The following CCDC88A variants were observed in gnomAD, a reference collection of about 807,000 sequenced individuals.
CCDC88A encodes the protein girdin.
CCDC88A carries 54 observed loss-of-function variants against 234.3 expected under a neutral mutation model. The observed-to-expected ratio is 0.23, with a 90% CI of 0.19 to 0.29. CCDC88A has a LOEUF of 0.29. Ranked by LOEUF, CCDC88A falls within the 10% of genes least tolerant of loss-of-function variation. The pLI is 1.00. For synonymous variants in CCDC88A, 753 were observed against 737.8 expected, an observed-to-expected ratio of 1.02 and a Z score of -0.33; for missense variants, 1,832 against 2,123.4, an observed-to-expected ratio of 0.86 and a Z score of 2.70.
At chr2:55,347,476 G>A (rs1417028238) in intron 9 of CCDC88A, among the ~76,000 whole-genome samples, 1 of 152,058 alleles carries the variant, frequency 6.6e-6, no homozygotes, top group Admixed American at 6.6e-5. Flanking sequence ...GAATATAGTA[G>A]TAGTAATCTA....
intron 3 of CCDC88A, 37 bp from the exon 4 acceptor site, chr2:55,374,920 T>C (rs2104830404): frequency 2.5e-6 from 3 of 1,198,676 alleles, no homozygotes; most frequent in Non-Finnish European, 3.7e-6. Context: ...ATATGGGTAA[T>C]GCTAACTAGA....
intron 3 of CCDC88A, among the ~76,000 whole-genome samples, chr2:55,383,848 C>G (rs1397477709): frequency 6.6e-6 from 1 of 152,024 alleles, no homozygotes; most frequent in Non-Finnish European, 1.5e-5. Context: ...CACACCCTCT[C>G]TAATATAATA....
intron 12 of CCDC88A, chr2:55,340,104 C>G (rs1574179219): frequency 2.0e-5 from 3 of 152,666 alleles, no homozygotes; most frequent in Non-Finnish European, 4.4e-5. Flanking sequence ...CAGGCATGAG[C>G]CGCTGCACCC....
chr2:55,345,826 G>A (rs1015146840), intron 10 of CCDC88A: 1 of 164,676 alleles, frequency 6.1e-6, no homozygotes, highest in Non-Finnish European at 1.3e-5. Flanking sequence ...TCTCAGTTAA[G>A]AAGCAATCTG....
intron 30 of CCDC88A, 45 bp from the exon 31 acceptor site, chr2:55,296,101 T>C (rs1339047557): frequency 6.9e-7 from 1 of 1,441,146 alleles, no homozygotes; most frequent in East Asian, 2.3e-5. Flanking sequence ...TATAGTGCCA[T>C]GTTTTTACTT....
At position 55,289,426 on chromosome 2, in the gene CCDC88A, T is replaced by G. The variant is rs534460989; in HGVS notation, c.*1774A>C. 6.6e-6 allele frequency: 1 copy of G among 152,572 alleles called. No individual in the cohort carries two copies. 9.5% of individuals were successfully genotyped at this position (152,572 alleles called of 1,614,324 possible). ...ACTGCTCTGATACCTATTACCAATG[T>G]GCTACTTGAATCCAGGGAGTTATGA... On this transcript the variant is annotated 3_prime_UTR_variant, in exon 33 of 33. Coordinates refer to ENST00000436346, the MANE Select transcript of CCDC88A (RefSeq NM_001365480.1).
intron 2 of CCDC88A, among the ~76,000 whole-genome samples, chr2:55,396,922 G>A (rs983532438): frequency 2.7e-5 from 4 of 147,248 alleles, no homozygotes; most frequent in South Asian, 2.1e-4. Context: ...TCTAAAACCC[G>A]AGTGTACATC....
chr2:55,413,781 A>G (rs1435642480), intron 2 of CCDC88A, among the ~76,000 whole-genome samples: 1 of 151,976 alleles, frequency 6.6e-6, no homozygotes, highest in East Asian at 1.9e-4. Context: ...GTGAAACTCC[A>G]TCTCTACAAA....
At chr2:55,412,720 G>C (rs1680697271) in intron 2 of CCDC88A, among the ~76,000 whole-genome samples, 1 of 152,118 alleles carries the variant, frequency 6.6e-6, no homozygotes, top group Non-Finnish European at 1.5e-5. Flanking sequence ...TAATTCTAAT[G>C]ATAATAATAT....
intron 2 of CCDC88A, chr2:55,404,127 G>A (rs1679171229): frequency 6.6e-6 from 1 of 152,100 alleles, no homozygotes; most frequent in African/African-American, 2.4e-5. Context: ...AATTTAAATA[G>A]TTCACTTGAT....
intron 25 of CCDC88A, among the ~76,000 whole-genome samples, chr2:55,306,451 A>G (rs1681576603): frequency 6.6e-6 from 1 of 152,262 alleles, no homozygotes; most frequent in South Asian, 2.1e-4. Context: ...ACACACGTAC[A>G]TATACATATA....
chr2:55,351,595 C>T (rs190300174), intron 8 of CCDC88A, among the ~76,000 whole-genome samples: 1 of 152,232 alleles, frequency 6.6e-6, no homozygotes, highest in African/African-American at 2.4e-5. Flanking sequence ...ATCCTCTTGC[C>T]TCAGCCTCCC....
At chr2:55,411,918 A>G (rs989613789) in intron 2 of CCDC88A, among the ~76,000 whole-genome samples, 39 of 152,286 alleles carry the variant, frequency 2.6e-4, no homozygotes, top group African/African-American at 9.4e-4. Flanking sequence ...GCCTCAAAGG[A>G]GATATAACAT....
chr2:55,308,648 G>T, intron 25 of CCDC88A, 161 bp downstream of exon 25: 1 of 597,304 alleles, frequency 1.7e-6, no homozygotes, highest in East Asian at 2.8e-5. Context: ...TCAGAAAATT[G>T]TGTGGCTGTA....
chr2:55,414,754 A>G (rs1442473400), intron 2 of CCDC88A, among the ~76,000 whole-genome samples: 1 of 152,172 alleles, frequency 6.6e-6, no homozygotes, highest in Non-Finnish European at 1.5e-5. Flanking sequence ...TAAACATTTT[A>G]GATGAAAAAA....
intron 5 of CCDC88A, among the ~76,000 whole-genome samples, chr2:55,365,182 C>T (rs3791650): frequency 0.36 from 54,676 of 151,852 alleles, 11,113 homozygotes; most frequent in East Asian, 0.54. Flanking sequence ...TAATTCCTAG[C>T]TGTGATTAGG....
intron 3 of CCDC88A, among the ~76,000 whole-genome samples, chr2:55,383,224 G>C (rs1217230772): frequency 6.6e-6 from 1 of 152,040 alleles, no homozygotes; most frequent in African/African-American, 2.4e-5. Flanking sequence ...AGATGACCTT[G>C]ATGCTTACCA....
intron 15 of CCDC88A, 126 bp downstream of exon 15, chr2:55,333,968 T>C: frequency 2.4e-6 from 1 of 411,178 alleles, no homozygotes. Context: ...CTAGTTCTAA[T>C]TCCAAAATTC....
chr2:55,292,887 G>C (rs1679589415), intron 31 of CCDC88A: 2 of 152,170 alleles, frequency 1.3e-5, no homozygotes, highest in East Asian at 3.8e-4. Context: ...AGAACTAGTG[G>C]TGTTTTGGGG....
Sources: allele counts gnomAD v4.1 joint callset (sites outside exome capture counted in the v4.1 genomes callset), GRCh38; gene constraint gnomAD v4.1.1; transcripts MANE v1.5; gene names NCBI Gene and HGNC (gene_info 2026-07-23, HGNC 2026-07-21).